The following TMPRSS11D variants were observed in gnomAD, a reference collection of about 807,000 sequenced individuals.
The protein encoded by TMPRSS11D is transmembrane protease serine 11D.
A neutral mutation model predicts 44.4 loss-of-function variants in TMPRSS11D; 32 were observed. The observed-to-expected ratio is 0.72, with a 90% CI of 0.54 to 0.97. The LOEUF is 0.97. Among genes scored for constraint, TMPRSS11D ranks in the 50% least tolerant of loss-of-function variants. The pLI is 0.00. For missense variants in TMPRSS11D, 446 were observed against 502.6 expected (o/e 0.89, Z 1.08); for synonymous variants, 179 against 177.9 (o/e 1.01, Z -0.05).
At chr4:67,873,296 G>A (rs1719105400) in intron 1 of TMPRSS11D, among the ~76,000 whole-genome samples, 1 of 152,202 alleles carries the variant, frequency 6.6e-6, no homozygotes, top group African/African-American at 2.4e-5. Context: ...TGCTCTGTGA[G>A]TTCTAACTTG....
chr4:67,845,488 A>G (rs1166040281), intron 3 of TMPRSS11D, among the ~76,000 whole-genome samples: 1 of 152,172 alleles, frequency 6.6e-6, no homozygotes, highest in Non-Finnish European at 1.5e-5. Context: ...AACGTGTATT[A>G]AAATGATTCA....
intron 7 of TMPRSS11D, among the ~76,000 whole-genome samples, chr4:67,828,605 A>T (rs1405978909): frequency 6.6e-6 from 1 of 152,172 alleles, no homozygotes; most frequent in Admixed American, 6.5e-5. Context: ...TACTTGATGG[A>T]TGCCAAAACT....
At chr4:67,871,402 C>A (rs1489686185) in intron 1 of TMPRSS11D, among the ~76,000 whole-genome samples, 1 of 152,108 alleles carries the variant, frequency 6.6e-6, no homozygotes, top group Non-Finnish European at 1.5e-5. Context: ...ACTCTCATAC[C>A]TCATCTTCCT....
At chr4:67,861,216 T>C (rs1373970234) in intron 1 of TMPRSS11D, among the ~76,000 whole-genome samples, 2 of 152,174 alleles carry the variant, frequency 1.3e-5, no homozygotes, top group Non-Finnish European at 2.9e-5. Flanking sequence ...TTCCCTGACA[T>C]GGGTTGAGAG....
At chr4:67,867,379 C>T (rs1332286583) in intron 1 of TMPRSS11D, among the ~76,000 whole-genome samples, 1 of 151,964 alleles carries the variant, frequency 6.6e-6, no homozygotes, top group Non-Finnish European at 1.5e-5. Context: ...TATTAAAATG[C>T]TAGAAGAAGA....
At chr4:67,876,236 C>T (rs1719188722) in intron 1 of TMPRSS11D, among the ~76,000 whole-genome samples, 1 of 152,020 alleles carries the variant, frequency 6.6e-6, no homozygotes, top group South Asian at 2.1e-4. Context: ...CTCTCTGAAC[C>T]TTAGTTTCCT....
At chr4:67,869,051 G>C (rs781316032) in intron 1 of TMPRSS11D, among the ~76,000 whole-genome samples, 1 of 152,224 alleles carries the variant, frequency 6.6e-6, no homozygotes, top group Non-Finnish European at 1.5e-5. Flanking sequence ...AGTTATACTC[G>C]TCACATGACT....
At chr4:67,830,330 GA>G (rs1307853659) in intron 7 of TMPRSS11D, among the ~76,000 whole-genome samples, 1 of 151,492 alleles carries the variant, frequency 6.6e-6, no homozygotes, top group Non-Finnish European at 1.5e-5. Context: ...ATGACAGGAG[GA>G]AAAAAAATTA....
At chr4:67,867,425 G>C (rs115876551) in intron 1 of TMPRSS11D, among the ~76,000 whole-genome samples, 1 of 152,034 alleles carries the variant, frequency 6.6e-6, no homozygotes, top group Non-Finnish European at 1.5e-5. Flanking sequence ...CCTAGGCAAA[G>C]AATTTATGAC....
intron 4 of TMPRSS11D, among the ~76,000 whole-genome samples, chr4:67,840,460 A>G (rs1718206691): frequency 6.6e-6 from 1 of 152,202 alleles, no homozygotes; most frequent in South Asian, 2.1e-4. Context: ...TCAAAGTAAC[A>G]AAAAGATTAT....
intron 1 of TMPRSS11D, among the ~76,000 whole-genome samples, chr4:67,876,850 T>C (rs550232470): frequency 6.6e-6 from 1 of 152,360 alleles, no homozygotes; most frequent in East Asian, 1.9e-4. Context: ...TGCCAAATAA[T>C]TGTCCTTCCC....
intron 8 of TMPRSS11D, 107 bp downstream of exon 8, chr4:67,827,153 CT>C: frequency 1.4e-6 from 2 of 1,421,924 alleles, no homozygotes; most frequent in Non-Finnish European, 1.9e-6. Context: ...ATGGTTCTGT[CT>C]GTAGAAGAAT....
chr4:67,864,954 C>T (rs1394777910), intron 1 of TMPRSS11D, among the ~76,000 whole-genome samples: 3 of 151,740 alleles, frequency 2.0e-5, no homozygotes, highest in East Asian at 3.9e-4. Context: ...CAGTACTAGA[C>T]AGATCATCGA....
intron 6 of TMPRSS11D, 88 bp downstream of exon 6, chr4:67,834,995 C>A: frequency 8.3e-7 from 1 of 1,211,984 alleles, no homozygotes; most frequent in East Asian, 2.4e-5. Context: ...TTGATAGATA[C>A]TGCCTTGGCC....
At chr4:67,856,379 G>A (rs915849296) in intron 2 of TMPRSS11D, among the ~76,000 whole-genome samples, 2 of 152,050 alleles carry the variant, frequency 1.3e-5, no homozygotes, top group African/African-American at 4.8e-5. Flanking sequence ...AAACAATGGG[G>A]AAAGCACACT....
At chr4:67,824,833 A>G (rs1054377583) in intron 9 of TMPRSS11D, among the ~76,000 whole-genome samples, 1 of 152,176 alleles carries the variant, frequency 6.6e-6, no homozygotes, top group African/African-American at 2.4e-5. Flanking sequence ...TGATTTTTTA[A>G]AACTCCAGAC....
At chr4:67,866,344 C>T (rs1055133981) in intron 1 of TMPRSS11D, among the ~76,000 whole-genome samples, 4 of 151,734 alleles carry the variant, frequency 2.6e-5, no homozygotes, top group African/African-American at 9.7e-5. Context: ...GGGAGCATAC[C>T]TCAAAACAAT....
At chr4:67,883,583 AG>A (rs5859109) in intron 1 of TMPRSS11D, among the ~76,000 whole-genome samples, 47,102 of 151,852 alleles carry the variant, frequency 0.31, 7,776 homozygotes, top group Non-Finnish European at 0.37. Context: ...AAACAACACA[AG>A]AATTGTTTAC....
chr4:67,880,525 T>C (rs1224906532), intron 1 of TMPRSS11D, among the ~76,000 whole-genome samples: 1 of 152,160 alleles, frequency 6.6e-6, no homozygotes, highest in East Asian at 1.9e-4. Flanking sequence ...AATTTATTCT[T>C]GCACTATTAA....
Sources: gnomAD v4.1 joint callset for allele counts (sites outside exome capture counted in the v4.1 genomes callset) on GRCh38, gnomAD v4.1.1 for gene constraint, MANE v1.5 for transcripts, NCBI Gene and HGNC (gene_info 2026-07-23, HGNC 2026-07-21) for gene names.